The following STK4 variants were observed in gnomAD, a reference collection of about 807,000 sequenced individuals.
STK4 encodes serine/threonine kinase 4, also known as serine/threonine-protein kinase 4.
In STK4, 30 loss-of-function variants were observed where a neutral mutation model predicts 64.9. The ratio of observed to expected loss-of-function variants is 0.46; its 90% confidence interval spans 0.35 to 0.63. The LOEUF (loss-of-function observed/expected upper bound fraction) is 0.63. Ranked by LOEUF, STK4 falls within the 20% of genes least tolerant of loss-of-function variation. STK4 has a pLI of 0.01. For missense variants in STK4, 466 were observed against 598.5 expected (o/e 0.78, Z 2.31); for synonymous variants, 177 against 199.0 (o/e 0.89, Z 0.93).
At chr20:45,022,505 T>A (rs1211742054) in intron 9 of STK4, among the ~76,000 whole-genome samples, 1 of 152,116 alleles carries the variant, frequency 6.6e-6, no homozygotes, top group Non-Finnish European at 1.5e-5. Flanking sequence ...GCAGATGTTC[T>A]CACTTTTTCA....
chr20:45,030,766 CTT>C (rs1600506167), intron 10 of STK4, among the ~76,000 whole-genome samples: 1 of 152,100 alleles, frequency 6.6e-6, no homozygotes, highest in Non-Finnish European at 1.5e-5. Context: ...TAGCAGATCA[CTT>C]TTTTGGAAAA....
chr20:45,001,060 T>C, intron 8 of STK4, 107 bp from the exon 9 acceptor site: 1 of 1,251,028 alleles, frequency 8.0e-7, no homozygotes, highest in Non-Finnish European at 1.1e-6. Context: ...AGGACCTGAA[T>C]AAGTGTTAAA....
intron 3 of STK4, among the ~76,000 whole-genome samples, chr20:44,980,462 T>G (rs1482349434): frequency 1.3e-5 from 2 of 152,226 alleles, no homozygotes; most frequent in African/African-American, 4.8e-5. Context: ...TATTTTATTT[T>G]AATAGGATAT....
intron 10 of STK4, among the ~76,000 whole-genome samples, chr20:45,032,851 GC>G (rs2068468062): frequency 6.6e-6 from 1 of 152,124 alleles, no homozygotes; most frequent in African/African-American, 2.4e-5. Context: ...TCGACACATG[GC>G]TTTCCACCAT....
chr20:45,054,559 C>CTT lies in STK4; in HGVS notation c.1306-20442_1306-20441dup, dbSNP rs776492833. ...CCTGGGCAACAGTGGGACACCCTAT[C>CTT]TTTTTTTTTTTTTTTTTTCAAAAAA... On this transcript the variant is annotated intron_variant, in intron 10 of 10. Transcript: ENST00000372806. 4.7e-3 allele frequency among the ~76,000 whole-genome samples: 338 copies of CTT among 71,410 alleles called. 2 individuals carry two copies. The highest frequency in any genetic ancestry group is 0.014 in the African/African-American group (268 of 19,128). 46.8% of individuals were successfully genotyped at this position (71,410 alleles called of 152,430 possible). A position where few individuals can be genotyped will look rare whatever the true frequency, so the allele number is the denominator to read the frequency against.
At chr20:45,070,176 G>A (rs542453404) in intron 10 of STK4, among the ~76,000 whole-genome samples, 2 of 152,270 alleles carry the variant, frequency 1.3e-5, no homozygotes, top group Admixed American at 6.5e-5. Flanking sequence ...AGATTATGAA[G>A]TTGGAGGGGA....
intron 1 of STK4, among the ~76,000 whole-genome samples, chr20:44,970,237 A>T (rs984430675): frequency 4.4e-5 from 6 of 136,146 alleles, no homozygotes; most frequent in South Asian, 2.4e-4. Context: ...AATAATAATT[A>T]AAAAAAAAGA....
At chr20:44,997,437 A>G in intron 7 of STK4, 131 bp downstream of exon 7, 4 of 1,160,684 alleles carry the variant, frequency 3.4e-6, no homozygotes, top group Non-Finnish European at 4.7e-6. Flanking sequence ...CACGCCTGTA[A>G]TCGTAGCACT....
rs1980539457 is a variant in STK4 at position 45,076,651 on chromosome 20, G to A, written c.*1475G>A. The A allele has an allele frequency of 6.6e-6, 1 of 152,284 alleles. No homozygotes were observed. The highest frequency in any genetic ancestry group is 2.1e-4 in the South Asian group (1 of 4,836). 9.4% of individuals were successfully genotyped at this position (152,284 alleles called of 1,614,324 possible). The stretch of plus-strand genomic sequence containing the variant: ...CATGGAGGCAGGTTTCGGGCCTGAA[G>A]CAGATCAGAGGGCTTTGCAAAAGAC... On this transcript the variant is annotated 3_prime_UTR_variant, in exon 11 of 11. Coordinates refer to ENST00000372806, the MANE Select transcript of STK4 (RefSeq NM_006282.5). The surrounding 1 kb of genome is among the most constrained non-coding windows in gnomAD (Gnocchi z 4.0).
intron 2 of STK4, among the ~76,000 whole-genome samples, chr20:44,978,014 A>G (rs2067369214): frequency 6.6e-6 from 1 of 152,188 alleles, no homozygotes; most frequent in Non-Finnish European, 1.5e-5. Flanking sequence ...CTGATAACAC[A>G]ACTGGTTTCA....
chr20:44,981,259 A>G (rs963769573), intron 3 of STK4, among the ~76,000 whole-genome samples: 1 of 151,780 alleles, frequency 6.6e-6, no homozygotes, highest in Non-Finnish European at 1.5e-5. Flanking sequence ...GGTTCAAACA[A>G]TTTTCCTGCC....
chr20:45,006,701 T>C (rs1056015852), intron 9 of STK4, among the ~76,000 whole-genome samples: 1 of 152,222 alleles, frequency 6.6e-6, no homozygotes, highest in Non-Finnish European at 1.5e-5. Flanking sequence ...CAGTTCCACA[T>C]TGGACTTGTG....
At position 44,971,893 on chromosome 20, in the gene STK4, G is replaced by A. The variant is rs1185028254; in HGVS notation, c.36-185G>A. Among the ~76,000 whole-genome samples, 3 of 151,746 alleles carry A rather than the reference G, an allele frequency of 2.0e-5. No homozygotes were observed. The East Asian group carries it at 5.8e-4, about 29-fold the overall frequency. On this transcript the variant is annotated intron_variant, in intron 1 of 10. Coordinates refer to ENST00000372806, the MANE Select transcript of STK4 (RefSeq NM_006282.5). ...TCACCATGTTAGCCAGGATGGTCTC[G>A]ATCTCCTGATCTCGTGATCTGCCTG...
chr20:45,056,474 A>G (rs1015086798), intron 10 of STK4, among the ~76,000 whole-genome samples: 2 of 152,204 alleles, frequency 1.3e-5, no homozygotes, highest in African/African-American at 4.8e-5. Flanking sequence ...ATATTACCAG[A>G]ATTTATCTGT....
rs74924209 is a variant in STK4 at position 45,067,544 on chromosome 20, G to A, written c.1306-7474G>A. Among the ~76,000 whole-genome samples, 460 of 152,282 alleles carry A rather than the reference G, an allele frequency of 3.0e-3. 2 individuals carry two copies. The highest frequency in any genetic ancestry group is 0.011 in the African/African-American group (438 of 41,564). On this transcript the variant is annotated intron_variant, in intron 10 of 10. Coordinates refer to ENST00000372806, the MANE Select transcript of STK4 (RefSeq NM_006282.5). ...TTGGATATGGGCCAGACCCATTTGT[G>A]TTCCCTATGGGGCTGGTTGACAAGG...
chr20:44,979,650 C>T (rs1303543206), intron 3 of STK4, among the ~76,000 whole-genome samples: 2 of 152,292 alleles, frequency 1.3e-5, no homozygotes, highest in East Asian at 3.9e-4. Flanking sequence ...CAACTTAGTA[C>T]CTGCTGTTTG....
chr20:44,969,313 C>T (rs1005788853), intron 1 of STK4, among the ~76,000 whole-genome samples: 2 of 152,186 alleles, frequency 1.3e-5, no homozygotes, highest in Non-Finnish European at 2.9e-5. Context: ...AATAGTTACA[C>T]ATAAAATGAA....
chr20:45,061,872 C>CTTTT (rs71197598), intron 10 of STK4, among the ~76,000 whole-genome samples: 236 of 115,050 alleles, frequency 2.1e-3, no homozygotes, highest in Non-Finnish European at 2.7e-3. Context: ...TCTTCTTCTT[C>CTTTT]TTTTTTTTTT....
At chr20:44,984,005 A>G (rs1456821522) in intron 4 of STK4, among the ~76,000 whole-genome samples, 2 of 152,044 alleles carry the variant, frequency 1.3e-5, no homozygotes, top group Non-Finnish European at 2.9e-5. Flanking sequence ...ATTGAATTAA[A>G]CATTGGATTT....
Sources: gnomAD v4.1 joint callset for allele counts (sites outside exome capture counted in the v4.1 genomes callset) on GRCh38, gnomAD v4.1.1 for gene constraint, Gnocchi (gnomAD v3.1) non-coding constraint, MANE v1.5 for transcripts, NCBI Gene and HGNC (gene_info 2026-07-23, HGNC 2026-07-21) for gene names.